DAB1: variants seen among roughly 807,000 people sequenced by gnomAD.
DAB1 encodes disabled homolog 1.
Under a neutral mutation model 64.6 loss-of-function variants are expected in DAB1, and 15 were observed. The observed-to-expected ratio is 0.23, with a 90% CI of 0.16 to 0.36. The LOEUF (loss-of-function observed/expected upper bound fraction) is 0.36. DAB1 is among the 10% of genes least tolerant of loss of function. The probability of loss-of-function intolerance (pLI) is 1.00; values close to 1 mark genes in which losing one functional copy is unlikely to be tolerated. For missense variants in DAB1, 596 were observed against 706.7 expected (o/e 0.84, Z 1.78); for synonymous variants, 235 against 251.9 (o/e 0.93, Z 0.64).
At chr1:57,989,729 C>CA (rs1400151644) in intron 5 of DAB1, among the ~76,000 whole-genome samples, 7 of 152,176 alleles carry the variant, frequency 4.6e-5, no homozygotes, top group Non-Finnish European at 7.4e-5. Flanking sequence ...GTAATTGCCA[C>CA]AAAAAAGATG....
At chr1:57,553,386 G>GAGAAAGAA (rs1553193728) in intron 7 of DAB1, among the ~76,000 whole-genome samples, 4 of 14,564 alleles carry the variant, frequency 2.7e-4, no homozygotes, top group Non-Finnish European at 1.3e-3. Flanking sequence ...GGAAGAAAGA[G>GAGAAAGAA]AAAGAAAGAA....
At chr1:57,192,227 G>C (rs897600337) in intron 2 of DAB1, among the ~76,000 whole-genome samples, 11 of 151,706 alleles carry the variant, frequency 7.3e-5, no homozygotes, top group Admixed American at 4.6e-4. Flanking sequence ...TGAGTCAGGA[G>C]AATCACTTGA....
At chr1:57,232,026 C>G (rs1474382624) in intron 2 of DAB1, among the ~76,000 whole-genome samples, 1 of 152,198 alleles carries the variant, frequency 6.6e-6, no homozygotes. Context: ...CTGACCTCCC[C>G]AGATTTCAAC....
intron 7 of DAB1, among the ~76,000 whole-genome samples, chr1:57,477,868 C>T (rs1643957198): frequency 6.6e-6 from 1 of 152,112 alleles, no homozygotes; most frequent in Non-Finnish European, 1.5e-5. Flanking sequence ...ACACCTCATC[C>T]TAAAATGCAG....
chr1:57,663,291 A>G (rs1357244585), intron 6 of DAB1, among the ~76,000 whole-genome samples: 1 of 152,152 alleles, frequency 6.6e-6, no homozygotes, highest in Non-Finnish European at 1.5e-5. Flanking sequence ...CCATGATCCA[A>G]TCACCTCCTA....
intron 7 of DAB1, among the ~76,000 whole-genome samples, chr1:57,545,529 G>A (rs1644846790): frequency 6.6e-6 from 1 of 152,138 alleles, no homozygotes; most frequent in Non-Finnish European, 1.5e-5. Flanking sequence ...TCAACCTATT[G>A]CTCTTCCCCC....
At chr1:57,581,259 T>G (rs1297134020) in intron 7 of DAB1, among the ~76,000 whole-genome samples, 1 of 152,228 alleles carries the variant, frequency 6.6e-6, no homozygotes, top group African/African-American at 2.4e-5. Flanking sequence ...TAGAATGACA[T>G]ATTTTTAGTG....
At chr1:58,539,448 A>C (rs1646569255) in intron 1 of DAB1, 1 of 594,930 alleles carries the variant, frequency 1.7e-6, no homozygotes. Context: ...TCAACTCATC[A>C]CCCCTAGAGC....
Position 57,272,680 on chromosome 1 carries a change from C to T in DAB1, c.67+18284G>A, listed in dbSNP as rs184236116. Among the ~76,000 whole-genome samples, 15 of 152,248 alleles carry T rather than the reference C, an allele frequency of 9.9e-5. No homozygotes were observed. In the East Asian group the frequency reaches 2.9e-3, roughly 29 times the overall value. The stretch of plus-strand genomic sequence containing the variant: ...ACTGATCAACTTGTAACTCTAAAGA[C>T]AGTAATGCAATTACTGGGCTCTGAA... On this transcript the variant is annotated intron_variant, in intron 2 of 14. Transcript: ENST00000371236.
chr1:57,934,637 T>C (rs376059049), intron 5 of DAB1, among the ~76,000 whole-genome samples: 5 of 152,098 alleles, frequency 3.3e-5, no homozygotes, highest in Admixed American at 3.3e-4. Flanking sequence ...ATTGAGGGAA[T>C]TTTTCATAGA....
At chr1:57,320,458 T>C (rs1675612637) in intron 1 of DAB1, among the ~76,000 whole-genome samples, 1 of 152,160 alleles carries the variant, frequency 6.6e-6, no homozygotes, top group African/African-American at 2.4e-5. Flanking sequence ...CATAGAGCAT[T>C]AATGAAAAAA....
In DAB1 at chr1:58,056,781, CCGTTGGCTTCCTCCCTTTG is replaced by C. The variant is rs573679524; in HGVS notation, n.387+93711_387+93729del. ...AAGAGACCAAGTTAGTGTATTCACT[CCGTTGGCTTCCTCCCTTTG>C]TAGTCACCTTAGGATGGCTTCCTTT... On this transcript the variant is annotated intron_variant and non_coding_transcript_variant, in intron 5 of 20. Coordinates refer to the DAB1 transcript ENST00000485760. 2.3e-3 allele frequency among the ~76,000 whole-genome samples: 354 copies of C among 152,196 alleles called. 9 individuals carry two copies. In the South Asian group the frequency reaches 0.07, roughly 30 times the overall value.
intron 6 of DAB1, among the ~76,000 whole-genome samples, chr1:57,690,263 G>A (rs1312674752): frequency 6.6e-6 from 1 of 152,076 alleles, no homozygotes; most frequent in Non-Finnish European, 1.5e-5. Context: ...CTTTCTTTGG[G>A]TATTGATATG....
chr1:58,196,045 A>G (rs1439536668), intron 4 of DAB1, among the ~76,000 whole-genome samples: 1 of 152,204 alleles, frequency 6.6e-6, no homozygotes, highest in Non-Finnish European at 1.5e-5. Context: ...CTGGGCTCAG[A>G]GAAAAAGTAA....
intron 2 of DAB1, among the ~76,000 whole-genome samples, chr1:57,162,812 G>C (rs1056192976): frequency 2.6e-5 from 4 of 152,194 alleles, no homozygotes; most frequent in African/African-American, 9.6e-5. Context: ...GAGTACAAAG[G>C]GGTATTTGTG....
chr1:57,705,002 A>T, intron 6 of DAB1, among the ~76,000 whole-genome samples: 1 of 152,072 alleles, frequency 6.6e-6, no homozygotes, highest in East Asian at 1.9e-4. Context: ...AGTCTGGGAA[A>T]AAATCTGAGC....
At chr1:57,191,968 T>C (rs1305167706) in intron 2 of DAB1, among the ~76,000 whole-genome samples, 2 of 152,132 alleles carry the variant, frequency 1.3e-5, no homozygotes, top group Non-Finnish European at 2.9e-5. Context: ...CACGAGCTAA[T>C]ACCACAAATA....
intron 6 of DAB1, among the ~76,000 whole-genome samples, chr1:57,688,307 T>TA (rs938499567): frequency 3.9e-5 from 6 of 151,984 alleles, no homozygotes; most frequent in African/African-American, 7.2e-5. Context: ...ACAAACATTT[T>TA]AAAAAAATGC....
intron 7 of DAB1, among the ~76,000 whole-genome samples, chr1:57,647,315 CA>C (rs1646204068): frequency 6.6e-6 from 1 of 152,160 alleles, no homozygotes; most frequent in Admixed American, 6.5e-5. Context: ...ATCAATGATG[CA>C]CCTTCAAATA....
Sources: gnomAD v4.1 joint callset for allele counts (sites outside exome capture counted in the v4.1 genomes callset) on GRCh38, gnomAD v4.1.1 for gene constraint, MANE v1.5 for transcripts, NCBI Gene and HGNC (gene_info 2026-07-23, HGNC 2026-07-21) for gene names.